EPM2AIP1: variants seen among roughly 807,000 people sequenced by gnomAD.
EPM2AIP1 encodes the protein EPM2A interacting protein 1, also known as EPM2A-interacting protein 1.
In EPM2AIP1, 23 loss-of-function variants were observed where a neutral mutation model predicts 44.8. The observed-to-expected ratio is 0.51, with a 90% CI of 0.37 to 0.73. The LOEUF (loss-of-function observed/expected upper bound fraction) is 0.73, where lower values mean the gene tolerates loss of function less well. Ranked by LOEUF, EPM2AIP1 falls within the 30% of genes least tolerant of loss-of-function variation. The probability of loss-of-function intolerance (pLI) is 0.00; values close to 1 mark genes in which losing one functional copy is unlikely to be tolerated. For synonymous variants in EPM2AIP1, 311 were observed against 284.3 expected (o/e 1.09, Z -0.94); for missense variants, 652 against 743.9 (o/e 0.88, Z 1.44).
In EPM2AIP1 at chr3:36,990,416, T is replaced by G; in HGVS notation, c.*838A>C. ...TGCAATCTTTTTTCCTCATCGTTTT[T>G]GATAGGGCCAAACTTGTGTCTACAG... On this transcript the variant is annotated 3_prime_UTR_variant, in exon 1 of 1. Coordinates refer to ENST00000322716, the MANE Select transcript of EPM2AIP1 (RefSeq NM_014805.4). 1 of 984,812 alleles carries G rather than the reference T, an allele frequency of 1.0e-6. No homozygotes were observed. The highest frequency in any genetic ancestry group is 1.2e-6 in the Non-Finnish European group (1 of 829,620). 61.0% of individuals were successfully genotyped at this position (984,812 alleles called of 1,614,324 possible). A position where few individuals can be genotyped will look rare whatever the true frequency, so the allele number is the denominator to read the frequency against.
rs10575530 is a variant in EPM2AIP1 at position 36,987,429 on chromosome 3, TAAAA to T, written c.*3821_*3824del. Reference sequence around the variant, plus strand: ...CTATATGTAGGTTCCTTTGGAAATTTAAAAAAAAAAAAAAAATATATATATATAT... The same window carrying T: ...CTATATGTAGGTTCCTTTGGAAATTTAAAAAAAAAAAATATATATATATAT... On this transcript the variant is annotated 3_prime_UTR_variant, in exon 1 of 1. Coordinates refer to ENST00000322716, the MANE Select transcript of EPM2AIP1 (RefSeq NM_014805.4). The T allele has an allele frequency of 0.017, 2,413 of 141,648 alleles. 78 individuals are homozygous for T. The highest frequency in any genetic ancestry group is 0.056 in the African/African-American group (2,194 of 38,904). The allele number at this position is 141,648 out of a possible 1,614,324, so 8.8% of individuals were successfully genotyped here.
rs768498402 is a variant in EPM2AIP1, at chr3:36,992,920, T to G, written c.158A>C (p.Asp53Ala). 1 of 1,612,568 alleles carries G rather than the reference T, an allele frequency of 6.2e-7. No individual in the cohort carries two copies. The highest frequency in any genetic ancestry group is 1.7e-5 in the Admixed American group (1 of 60,020). The change falls in exon 1 of 1, where the codon GAC becomes GCC. Residue 53 changes from aspartate to alanine, a missense_variant. By Grantham distance (126) the Asp-to-Ala change is moderately radical. Transcript: ENST00000322716. The surrounding 1 kb of genome is among the most constrained non-coding windows in gnomAD (Gnocchi z 5.3). ...RRLIVATRER[D>A]VRRHYEAEHE... is the part of the protein sequence containing the mutation. ...CTCAGCCTCGTAGTGGCGCCTGACG[T>G]CGCGTTCGCGGGTAGCTACGATGAG...
At position 36,992,028 on chromosome 3, in the gene EPM2AIP1, T is replaced by C; in HGVS notation, c.1050A>G (p.Leu350=). The C allele has an allele frequency of 6.2e-7, 1 of 1,613,934 alleles. No individual in the cohort carries two copies. Among genetic ancestry groups the C allele is most frequent in the Non-Finnish European group, 8.5e-7 (1 of 1,179,846 alleles). ...NWLRRGKTLK[L]IFSLRKEMEA... ...CCATTTCTTTTCTTAGAGAGAATAT[T>C]AGTTTTAAAGTTTTCCCTCTCCTAA... Residue 350 remains leucine, a synonymous_variant, in exon 1 of 1, where the codon CTA becomes CTG. Coordinates refer to ENST00000322716, the MANE Select transcript of EPM2AIP1 (RefSeq NM_014805.4). The surrounding 1 kb of genome is among the most constrained non-coding windows in gnomAD (Gnocchi z 5.3).
chr3:36,991,991 C>T lies in EPM2AIP1; in HGVS notation c.1087G>A (p.Val363Ile), dbSNP rs1559496550. ...SLRKEMEAFL[V>I]SVGATTVHFS... ...TGGACTGTTGTTGCCCCTACTGAAA[C>T]CAAGAACGCTTCCATTTCTTTTCTT... The change falls in exon 1 of 1, where the codon GTT becomes ATT. Residue 363 changes from valine to isoleucine, a missense_variant. Transcript: ENST00000322716. 2.5e-6 allele frequency: 4 copies of T among 1,613,778 alleles called. No individual in the cohort carries two copies. The highest frequency in any genetic ancestry group is 3.4e-6 in the Non-Finnish European group (4 of 1,179,874).
rs781091412 is a variant in EPM2AIP1 at position 36,991,683 on chromosome 3, A to G, written c.1395T>C (p.Cys465=). The G allele has an allele frequency of 6.2e-6, 10 of 1,612,942 alleles. No homozygotes were observed. In the South Asian group the frequency reaches 9.9e-5, roughly 16 times the overall value. ...FDPDRYQMVI[C]RLQKEFERHF... ...GTCTCTCAAATTCTTTTTGGAGACG[A>G]CAGATCACCATTTGATACCTATCAG... The change falls in exon 1 of 1, where the codon TGT becomes TGC. Residue 465 remains cysteine (C), a synonymous_variant. Transcript: ENST00000322716.
At position 36,990,742 on chromosome 3, in the gene EPM2AIP1, C is replaced by G. The variant is rs2080797602; in HGVS notation, c.*512G>C. 1.0e-6 allele frequency: 1 copy of G among 985,376 alleles called. No individual in the cohort carries two copies. Among genetic ancestry groups the G allele is most frequent in the Admixed American group, 6.2e-5 (1 of 16,242 alleles). The allele number at this position is 985,376 out of a possible 1,614,324, so 61.0% of individuals were successfully genotyped here. On this transcript the variant is annotated 3_prime_UTR_variant, in exon 1 of 1. Coordinates refer to ENST00000322716, the MANE Select transcript of EPM2AIP1 (RefSeq NM_014805.4). ...AACTCAGAAATGTTTAAAAAAAAGT[C>G]TCAAACATTTTGATGGTTAGACAAA...
Position 36,992,318 on chromosome 3 carries a change from C to G in EPM2AIP1, c.760G>C (p.Gly254Arg). The G allele has an allele frequency of 6.2e-7, 1 of 1,613,954 alleles. No homozygotes were observed. The highest frequency in any genetic ancestry group is 8.5e-7 in the Non-Finnish European group (1 of 1,179,888). The change falls in exon 1 of 1, where the codon GGT becomes CGT. Residue 254 changes from glycine to arginine, a missense_variant. Gly to Arg is a moderately radical substitution (Grantham distance 125). Transcript: ENST00000322716. The surrounding 1 kb of genome is among the most constrained non-coding windows in gnomAD (Gnocchi z 5.3). The part of the protein sequence containing the change: ...LTTTHTLRMI[G>R]ENSGLVSYMR... Reference sequence around the variant, plus strand: ...TATGAGACGAGTCCTGAGTTCTCACCAATCATCCTCAAAGTATGGGTCGTG... The same window carrying G: ...TATGAGACGAGTCCTGAGTTCTCACGAATCATCCTCAAAGTATGGGTCGTG...
Position 36,987,148 on chromosome 3 carries a change from A to AT in EPM2AIP1, c.*4105dup, listed in dbSNP as rs1382250056. 1.3e-5 allele frequency: 2 copies of AT among 152,608 alleles called. No individual in the cohort carries two copies. Among genetic ancestry groups the AT allele is most frequent in the African/African-American group, 2.4e-5 (1 of 41,438 alleles). 9.5% of individuals were successfully genotyped at this position (152,608 alleles called of 1,614,324 possible). A position where few individuals can be genotyped will look rare whatever the true frequency, so the allele number is the denominator to read the frequency against. On this transcript the variant is annotated 3_prime_UTR_variant, in exon 1 of 1. Coordinates refer to ENST00000322716, the MANE Select transcript of EPM2AIP1 (RefSeq NM_014805.4). ...AGGTGTAAAAACAAGTGAACTGAAT[A>AT]TATAGTGACCAGAAGGGCTGAGTCA...
chr3:36,992,744 C>T lies in EPM2AIP1; in HGVS notation c.334G>A (p.Gly112Ser). Reference protein sequence around the residue: ...LGLCRLLALKGRGWGEGDFVY... With the variant: ...LGLCRLLALKSRGWGEGDFVY... ...AAGTCCCCCTCACCCCAGCCGCGAC[C>T]CTTCAAGGCCAAGAGGCGGCAGAGC... The change falls in exon 1 of 1, where the codon GGT becomes AGT. Residue 112 changes from glycine to serine, a missense_variant. Transcript: ENST00000322716. This position sits in a 1 kb window ranked among gnomAD's most constrained non-coding sequence, Gnocchi z 5.3. 1 of 1,613,934 alleles carries T rather than the reference C, an allele frequency of 6.2e-7. No individual in the cohort carries two copies. The highest frequency in any genetic ancestry group is 8.5e-7 in the Non-Finnish European group (1 of 1,179,894).
chr3:36,991,774 G>A lies in EPM2AIP1; in HGVS notation c.1304C>T (p.Pro435Leu), dbSNP rs1447562946. The change falls in exon 1 of 1, where the codon CCT (proline) becomes CTT (leucine). Residue 435 changes from proline (P) to leucine (L), a missense_variant. Physicochemically the swap from Pro to Leu is moderately conservative, Grantham distance 98. Coordinates refer to ENST00000322716, the MANE Select transcript of EPM2AIP1 (RefSeq NM_014805.4). ...CTCATCAACAACTTCTCTGAGGGCA[G>A]GAAAGTCTGTTAGATTTTTTTCCTC... is the stretch of plus-strand genomic sequence containing the variant. ...HIEEKNLTDF[P>L]ALREVVDELK... 1 of 1,613,448 alleles carries A rather than the reference G, an allele frequency of 6.2e-7. No homozygotes were observed.
Position 36,991,769 on chromosome 3 carries a change from G to A in EPM2AIP1, c.1309C>T (p.Leu437Phe), listed in dbSNP as rs779091285. 5.0e-6 allele frequency: 8 copies of A among 1,613,240 alleles called. No homozygotes were observed. The Admixed American group carries it at 1.3e-4, about 27-fold the overall frequency. The change falls in exon 1 of 1, where the codon CTC (leucine) becomes TTC (phenylalanine). Residue 437 changes from leucine (L) to phenylalanine (F), a missense_variant. By Grantham distance (22) the Leu-to-Phe change is conservative. Transcript: ENST00000322716. ...TTTAGCTCATCAACAACTTCTCTGA[G>A]GGCAGGAAAGTCTGTTAGATTTTTT... ...EEKNLTDFPA[L>F]REVVDELKQQ...
rs1465800147 is a variant in EPM2AIP1, at chr3:36,990,363, A to C, written c.*891T>G. 4 of 974,480 alleles carry C rather than the reference A, an allele frequency of 4.1e-6. No homozygotes were observed. The highest frequency in any genetic ancestry group is 9.5e-5 in the South Asian group (2 of 21,068). The allele number at this position is 974,480 out of a possible 1,614,324, so 60.4% of individuals were successfully genotyped here. A position where few individuals can be genotyped will look rare whatever the true frequency, so the allele number is the denominator to read the frequency against. On this transcript the variant is annotated 3_prime_UTR_variant, in exon 1 of 1. Coordinates refer to ENST00000322716, the MANE Select transcript of EPM2AIP1 (RefSeq NM_014805.4). ...CCACGCAGATAAGACAAAAAAGCTA[A>C]AATATCTCACACCTCCTAATCCTGG... is the stretch of plus-strand genomic sequence containing the variant.
At position 36,990,739 on chromosome 3, in the gene EPM2AIP1, A is replaced by T; in HGVS notation, c.*515T>A. 2.0e-6 allele frequency: 2 copies of T among 985,646 alleles called. No homozygotes were observed. Among genetic ancestry groups the T allele is most frequent in the Non-Finnish European group, 1.2e-6 (1 of 829,868 alleles). 61.1% of individuals were successfully genotyped at this position (985,646 alleles called of 1,614,324 possible). A position where few individuals can be genotyped will look rare whatever the true frequency, so the allele number is the denominator to read the frequency against. ...TCGAACTCAGAAATGTTTAAAAAAA[A>T]GTCTCAAACATTTTGATGGTTAGAC... On this transcript the variant is annotated 3_prime_UTR_variant, in exon 1 of 1. Transcript: ENST00000322716.
chr3:36,991,855 G>A lies in EPM2AIP1; in HGVS notation c.1223C>T (p.Ala408Val). 1.9e-6 allele frequency: 3 copies of A among 1,613,538 alleles called. No individual in the cohort carries two copies. The highest frequency in any genetic ancestry group is 2.5e-6 in the Non-Finnish European group (3 of 1,179,754). The change falls in exon 1 of 1, where the codon GCC becomes GTC. Residue 408 changes from alanine to valine, a missense_variant. Ala to Val is a moderately conservative substitution (Grantham distance 64, BLOSUM62 0). Coordinates refer to ENST00000322716, the MANE Select transcript of EPM2AIP1 (RefSeq NM_014805.4). ...LRVSKVFAAA[A>V]FDHICTFEVK... Reference sequence around the variant, plus strand: ...TTCGAAAGTACAAATATGGTCAAAGGCAGCAGCAGCAAAGACTTTACTAAC... The same window carrying A: ...TTCGAAAGTACAAATATGGTCAAAGACAGCAGCAGCAAAGACTTTACTAAC...
chr3:36,992,411 G>A lies in EPM2AIP1; in HGVS notation c.667C>T (p.Leu223Phe). Residue 223 changes from leucine to phenylalanine, a missense_variant, in exon 1 of 1, where the codon CTC becomes TTC. By Grantham distance (22) the Leu-to-Phe change is conservative. Coordinates refer to ENST00000322716, the MANE Select transcript of EPM2AIP1 (RefSeq NM_014805.4). This position sits in a 1 kb window ranked among gnomAD's most constrained non-coding sequence, Gnocchi z 5.3. ...AGGGACTCTAGGATTGCCGACATGAGCGCACCAACACTGAAATGATGAGTC... is the reference window on the plus strand; with the variant it reads ...AGGGACTCTAGGATTGCCGACATGAACGCACCAACACTGAAATGATGAGTC... ...NLTHHFSVGA[L>F]MSAILESLQT... The A allele has an allele frequency of 1.2e-6, 2 of 1,613,914 alleles. No homozygotes were observed. The highest frequency in any genetic ancestry group is 1.7e-6 in the Non-Finnish European group (2 of 1,179,880).
rs1245518092 is a variant in EPM2AIP1, at chr3:36,992,478, A to T, written c.600T>A (p.Pro200=). Residue 200 remains proline, a synonymous_variant, in exon 1 of 1, where the codon CCT becomes CCA. Coordinates refer to ENST00000322716, the MANE Select transcript of EPM2AIP1 (RefSeq NM_014805.4). This position sits in a 1 kb window ranked among gnomAD's most constrained non-coding sequence, Gnocchi z 5.3. ...GAAGATCTTCTTGCACCTCCAACTC[A>T]GGGCCTACACCGCGGATAAAGACCA... is the stretch of plus-strand genomic sequence containing the variant. ...YLLVFIRGVG[P]ELEVQEDLLT... The T allele has an allele frequency of 6.2e-7, 1 of 1,613,992 alleles. No individual in the cohort carries two copies. Among genetic ancestry groups the T allele is most frequent in the South Asian group, 1.1e-5 (1 of 91,080 alleles).
rs1451226335 is a variant in EPM2AIP1, at chr3:36,992,642, A to G, written c.436T>C (p.Ser146Pro). Residue 146 changes from serine to proline, a missense_variant, in exon 1 of 1, where the codon TCT (serine) becomes CCT (proline). Physicochemically the swap from Ser to Pro is moderately conservative, Grantham distance 74. Transcript: ENST00000322716. The surrounding 1 kb of genome is among the most constrained non-coding windows in gnomAD (Gnocchi z 5.3). ...HVSVLQGVDL[S>P]PDITRQRILS... The stretch of plus-strand genomic sequence containing the variant: ...ATCCTCTGCCTTGTGATATCTGGAG[A>G]TAAGTCAACGCCTTGCAGGACGCTT... 1 of 1,614,016 alleles carries G rather than the reference A, an allele frequency of 6.2e-7. No individual in the cohort carries two copies.
Position 36,990,760 on chromosome 3 carries a change from T to G in EPM2AIP1, c.*494A>C. On this transcript the variant is annotated 3_prime_UTR_variant, in exon 1 of 1. Coordinates refer to ENST00000322716, the MANE Select transcript of EPM2AIP1 (RefSeq NM_014805.4). ...AAAAAGTCTCAAACATTTTGATGGTTAGACAAAACACCTCCACTGTTATGT... is the reference window on the plus strand; with the variant it reads ...AAAAAGTCTCAAACATTTTGATGGTGAGACAAAACACCTCCACTGTTATGT... The G allele has an allele frequency of 1.0e-6, 1 of 985,596 alleles. No homozygotes were observed. The highest frequency in any genetic ancestry group is 1.2e-6 in the Non-Finnish European group (1 of 829,962). The allele number at this position is 985,596 out of a possible 1,614,324, so 61.1% of individuals were successfully genotyped here.
Position 36,991,679 on chromosome 3 carries a change from G to A in EPM2AIP1, c.1399C>T (p.Leu467Phe), listed in dbSNP as rs1366460905. ...PDRYQMVICR[L>F]QKEFERHFKD... ...AAATGTCTCTCAAATTCTTTTTGGA[G>A]ACGACAGATCACCATTTGATACCTA... The change falls in exon 1 of 1, where the codon CTC becomes TTC. Residue 467 changes from leucine (L) to phenylalanine (F), a missense_variant. Leu to Phe is a conservative substitution (Grantham distance 22, BLOSUM62 0). Transcript: ENST00000322716. 1 of 1,612,716 alleles carries A rather than the reference G, an allele frequency of 6.2e-7. No individual in the cohort carries two copies. Among genetic ancestry groups the A allele is most frequent in the East Asian group, 2.2e-5 (1 of 44,880 alleles).
Sources: gnomAD v4.1 joint callset for allele counts on GRCh38, gnomAD v4.1.1 for gene constraint, Gnocchi (gnomAD v3.1) non-coding constraint, MANE v1.5 for transcripts, NCBI Gene and HGNC (gene_info 2026-07-23, HGNC 2026-07-21) for gene names.